Variants in BMP7 observed in about 807,000 individuals in gnomAD.
BMP7 encodes bone morphogenetic protein 7.
A neutral mutation model predicts 41.2 loss-of-function variants in BMP7; 12 were observed. That is an observed-to-expected ratio of 0.29 (90% confidence interval 0.19 to 0.47). The LOEUF is 0.47. Ranked by LOEUF, BMP7 falls within the 20% of genes least tolerant of loss-of-function variation. BMP7 has a pLI of 0.99. For synonymous variants in BMP7, 248 were observed against 250.0 expected, an observed-to-expected ratio of 0.99 and a Z score of 0.07; for missense variants, 467 against 606.0, an observed-to-expected ratio of 0.77 and a Z score of 2.41.
chr20:57,238,602 T>C (rs550014980), intron 1 of BMP7, among the ~76,000 whole-genome samples: 2 of 152,158 alleles, frequency 1.3e-5, no homozygotes, highest in Non-Finnish European at 1.5e-5. Flanking sequence ...TCTCCACATG[T>C]CCACCACCAT....
intron 2 of BMP7, among the ~76,000 whole-genome samples, chr20:57,208,629 C>T (rs956581578): frequency 1.3e-5 from 2 of 152,194 alleles, no homozygotes; most frequent in Non-Finnish European, 2.9e-5. Context: ...AAATCTTATA[C>T]ACCAATGTTC....
intron 4 of BMP7, among the ~76,000 whole-genome samples, chr20:57,179,305 C>G (rs1034101046): frequency 2.6e-5 from 4 of 152,244 alleles, no homozygotes. Context: ...GAGCAGGAGA[C>G]AGCCCTGACG....
intron 3 of BMP7, among the ~76,000 whole-genome samples, chr20:57,198,872 C>T (rs997258316): frequency 2.6e-5 from 4 of 152,206 alleles, no homozygotes; most frequent in Admixed American, 2.0e-4. Flanking sequence ...CCTCCACATG[C>T]CCATTGTGTG....
chr20:57,260,094 A>C (rs2066148022), intron 1 of BMP7, among the ~76,000 whole-genome samples: 1 of 152,152 alleles, frequency 6.6e-6, no homozygotes, highest in African/African-American at 2.4e-5. Context: ...TGGAAAGAAA[A>C]GCATGTGAAG....
At chr20:57,198,953 C>T (rs1384196813) in intron 3 of BMP7, among the ~76,000 whole-genome samples, 2 of 152,216 alleles carry the variant, frequency 1.3e-5, no homozygotes, top group Admixed American at 1.3e-4. Context: ...CTCCTCTCCA[C>T]CCACGCACAG....
At chr20:57,194,835 A>G (rs1600616179) in intron 3 of BMP7, among the ~76,000 whole-genome samples, 1 of 152,070 alleles carries the variant, frequency 6.6e-6, no homozygotes, top group Non-Finnish European at 1.5e-5. Context: ...TGGAGTCCAC[A>G]CCCTGGCCCA....
At chr20:57,251,179 G>A (rs570576802) in intron 1 of BMP7, among the ~76,000 whole-genome samples, 17 of 152,304 alleles carry the variant, frequency 1.1e-4, no homozygotes, top group African/African-American at 3.4e-4. Flanking sequence ...CAGGCGGCCC[G>A]AGGTCAGCCC....
chr20:57,176,419 A>T (rs1015270055), intron 4 of BMP7, among the ~76,000 whole-genome samples: 3 of 152,216 alleles, frequency 2.0e-5, no homozygotes, highest in African/African-American at 7.2e-5. Context: ...CCAAACCTCA[A>T]CCCATCCCAA....
chr20:57,264,066 G>A (rs1423832661), intron 1 of BMP7, among the ~76,000 whole-genome samples: 1 of 152,152 alleles, frequency 6.6e-6, no homozygotes, highest in Non-Finnish European at 1.5e-5. Flanking sequence ...CTTCTTAACT[G>A]GCTGCTTAGT....
At chr20:57,203,759 T>A (rs966641232) in intron 2 of BMP7, among the ~76,000 whole-genome samples, 38 of 152,228 alleles carry the variant, frequency 2.5e-4, no homozygotes, top group Non-Finnish European at 2.9e-5. Flanking sequence ...AACCAAGGCA[T>A]AATGATGAAC....
In BMP7 at chr20:57,178,479, C is replaced by T. The variant is rs560647739; in HGVS notation, c.959-3472G>A. ...GTAGCAGGGCTGGGAGAGAGAGAAC[C>T]AGCTCTGGGGCAGCAGGAACCTCCC... is the stretch of plus-strand genomic sequence containing the variant. On this transcript the variant is annotated intron_variant, in intron 4 of 6. Coordinates refer to ENST00000395863, the MANE Select transcript of BMP7 (RefSeq NM_001719.3). 4.9e-4 allele frequency among the ~76,000 whole-genome samples: 75 copies of T among 152,202 alleles called. 1 individual carries two copies. Among genetic ancestry groups the T allele is most frequent in the Admixed American group, 2.5e-3 (39 of 15,296 alleles).
intron 4 of BMP7, among the ~76,000 whole-genome samples, chr20:57,183,010 G>A (rs1341042744): frequency 1.3e-5 from 2 of 152,222 alleles, no homozygotes. Flanking sequence ...CAAGGCAGGT[G>A]GATCACTTGA....
intron 2 of BMP7, among the ~76,000 whole-genome samples, chr20:57,218,820 G>A (rs1985106174): frequency 6.6e-6 from 1 of 151,062 alleles, no homozygotes; most frequent in South Asian, 2.1e-4. Context: ...TTTGGTGGTA[G>A]CTGGTGTGTG....
chr20:57,263,343 G>C (rs1168649401), intron 1 of BMP7, among the ~76,000 whole-genome samples: 1 of 152,218 alleles, frequency 6.6e-6, no homozygotes, highest in Non-Finnish European at 1.5e-5. Flanking sequence ...TGTACAGCCA[G>C]AGGAGGAAAA....
At chr20:57,204,549 G>GGGCACAGCGCAATTTTCTCA (rs1161918068) in intron 2 of BMP7, among the ~76,000 whole-genome samples, 1 of 152,240 alleles carries the variant, frequency 6.6e-6, no homozygotes, top group Non-Finnish European at 1.5e-5. Flanking sequence ...GCAGGTGCGA[G>GGGCACAGCGCAATTTTCTCA]GGCACAGCGC....
At chr20:57,245,520 G>A (rs1011841201) in intron 1 of BMP7, among the ~76,000 whole-genome samples, 2 of 150,688 alleles carry the variant, frequency 1.3e-5, no homozygotes, top group African/African-American at 4.9e-5. Flanking sequence ...CCCAGAGAAT[G>A]GTTTTTAAAT....
chr20:57,228,159 C>T lies in BMP7; in HGVS notation c.611+70G>A. The T allele has an allele frequency of 6.4e-7, 1 of 1,551,908 alleles. No homozygotes were observed. The highest frequency in any genetic ancestry group is 8.9e-7 in the Non-Finnish European group (1 of 1,125,934). On this transcript the variant is annotated intron_variant, in intron 2 of 6. Coordinates refer to ENST00000395863, the MANE Select transcript of BMP7 (RefSeq NM_001719.3). This position sits in a 1 kb window ranked among gnomAD's most constrained non-coding sequence, Gnocchi z 4.5. Reference sequence around the variant, plus strand: ...GTGCCAATCTGACCCATCCTCTGGCCCTCACCACCTTCTTCCTCTGCCCCC... The same window carrying T: ...GTGCCAATCTGACCCATCCTCTGGCTCTCACCACCTTCTTCCTCTGCCCCC...
intron 4 of BMP7, 56 bp from the exon 5 acceptor site, chr20:57,175,063 C>G: frequency 2.0e-6 from 3 of 1,532,898 alleles, no homozygotes; most frequent in Non-Finnish European, 2.7e-6. Context: ...GAAACACACA[C>G]ACATCAAAGT....
intron 5 of BMP7, 151 bp from the exon 6 acceptor site, chr20:57,173,461 G>T (rs1358315221): frequency 1.3e-6 from 1 of 763,798 alleles, no homozygotes; most frequent in Admixed American, 2.0e-5. Context: ...GGCCCAGCAG[G>T]GGCAGGAAAC....
Sources: gnomAD v4.1 joint callset for allele counts (sites outside exome capture counted in the v4.1 genomes callset) on GRCh38, gnomAD v4.1.1 for gene constraint, Gnocchi (gnomAD v3.1) non-coding constraint, MANE v1.5 for transcripts, NCBI Gene and HGNC (gene_info 2026-07-23, HGNC 2026-07-21) for gene names.